CDK5RAP2: variants seen among roughly 807,000 people sequenced by gnomAD.
The protein encoded by CDK5RAP2 is CDK5 regulatory subunit associated protein 2, also known as CDK5 regulatory subunit-associated protein 2.
In CDK5RAP2, 147 loss-of-function variants were observed where a neutral mutation model predicts 232.9. The observed-to-expected ratio is 0.63, with a 90% confidence interval of 0.55 to 0.72. CDK5RAP2 has a LOEUF of 0.72. Among genes scored for constraint, CDK5RAP2 ranks in the 30% least tolerant of loss-of-function variants. The probability of loss-of-function intolerance (pLI) is 0.00; values close to 1 mark genes in which losing one functional copy is unlikely to be tolerated. For synonymous variants in CDK5RAP2, 833 were observed against 833.7 expected (o/e 1.00, Z 0.01); for missense variants, 2,195 against 2,231.5 (o/e 0.98, Z 0.33).
chr9:120,574,101 T>C (rs548582200), intron 1 of CDK5RAP2, among the ~76,000 whole-genome samples: 1 of 152,356 alleles, frequency 6.6e-6, no homozygotes, highest in African/African-American at 2.4e-5. Context: ...ATTCTGGTCT[T>C]AGACAAGCTT....
intron 10 of CDK5RAP2, among the ~76,000 whole-genome samples, chr9:120,527,410 G>A (rs755590276): frequency 3.3e-5 from 5 of 151,846 alleles, no homozygotes; most frequent in Non-Finnish European, 4.4e-5. Context: ...GAATTGAGGT[G>A]TGCTGTAAAC....
chr9:120,462,891 G>A (rs1231147580), intron 18 of CDK5RAP2, among the ~76,000 whole-genome samples: 1 of 152,196 alleles, frequency 6.6e-6, no homozygotes, highest in Non-Finnish European at 1.5e-5. Context: ...GCACATTGAA[G>A]TACTTGGGGG....
chr9:120,543,313 CT>C (rs1297412639), intron 5 of CDK5RAP2, among the ~76,000 whole-genome samples: 1 of 152,198 alleles, frequency 6.6e-6, no homozygotes, highest in Non-Finnish European at 1.5e-5. Flanking sequence ...CCAGAATGAC[CT>C]TTTCAAATAC....
At chr9:120,444,549 T>G (rs563344522) in intron 22 of CDK5RAP2, among the ~76,000 whole-genome samples, 2 of 152,178 alleles carry the variant, frequency 1.3e-5, no homozygotes, top group Non-Finnish European at 2.9e-5. Flanking sequence ...TGGATGATGG[T>G]TGAATGGATT....
At chr9:120,397,544 T>TAAAAAAAAAAAAAAAAAAAAAA (rs760469422) in intron 35 of CDK5RAP2, among the ~76,000 whole-genome samples, 8 of 49,074 alleles carry the variant, frequency 1.6e-4, no homozygotes, top group Non-Finnish European at 2.9e-4. Flanking sequence ...AAAACATTCT[T>TAAAAAAAAAAAAAAAAAAAAAA]AAAAAAAAAA....
intron 18 of CDK5RAP2, among the ~76,000 whole-genome samples, chr9:120,461,266 G>A (rs923678903): frequency 6.6e-6 from 1 of 152,220 alleles, no homozygotes; most frequent in Non-Finnish European, 1.5e-5. Flanking sequence ...CTTGCGTGAC[G>A]ATAACTTTAT....
At chr9:120,442,972 A>C (rs1345026505) in intron 23 of CDK5RAP2, among the ~76,000 whole-genome samples, 1 of 152,232 alleles carries the variant, frequency 6.6e-6, no homozygotes, top group Admixed American at 6.5e-5. Context: ...TGAAGGGGGA[A>C]AAATATCTAA....
intron 25 of CDK5RAP2, among the ~76,000 whole-genome samples, chr9:120,436,527 T>G (rs1178482398): frequency 1.3e-5 from 2 of 152,200 alleles, no homozygotes; most frequent in Non-Finnish European, 2.9e-5. Flanking sequence ...GACAACACCT[T>G]TTCTGATTGT....
intron 3 of CDK5RAP2, among the ~76,000 whole-genome samples, chr9:120,555,014 C>A (rs563269052): frequency 6.6e-6 from 1 of 151,780 alleles, no homozygotes; most frequent in Non-Finnish European, 1.5e-5. Context: ...AGACAACAAT[C>A]TTGAAATGAA....
chr9:120,409,383 T>C, intron 29 of CDK5RAP2, 67 bp from the exon 30 acceptor site: 3 of 1,100,072 alleles, frequency 2.7e-6, no homozygotes, highest in Non-Finnish European at 2.7e-6. Flanking sequence ...ATTATATAAA[T>C]ACAGCACTTC....
intron 4 of CDK5RAP2, among the ~76,000 whole-genome samples, chr9:120,546,984 T>C (rs538746920): frequency 2.7e-5 from 1 of 36,554 alleles, no homozygotes; most frequent in East Asian, 4.0e-4. Flanking sequence ...TTTTTGTTTT[T>C]TCGTTTTTTT....
chr9:120,561,425 T>C (rs915965263), intron 3 of CDK5RAP2, among the ~76,000 whole-genome samples: 1 of 152,122 alleles, frequency 6.6e-6, no homozygotes, highest in Admixed American at 6.6e-5. Flanking sequence ...GCCTCCCAAG[T>C]AGCTGGGACC....
chr9:120,414,554 GAGA>G (rs1488810022), intron 28 of CDK5RAP2, among the ~76,000 whole-genome samples: 2 of 152,190 alleles, frequency 1.3e-5, no homozygotes, highest in Admixed American at 6.5e-5. Flanking sequence ...GAAAAAAGTG[GAGA>G]AGAAGGAAGG....
chr9:120,449,870 G>T (rs111637957), intron 21 of CDK5RAP2, among the ~76,000 whole-genome samples: 1 of 152,166 alleles, frequency 6.6e-6, no homozygotes, highest in African/African-American at 2.4e-5. Context: ...ACAACAACAA[G>T]TGTTGATGAA....
chr9:120,531,537 AG>A (rs2041153224), intron 7 of CDK5RAP2, among the ~76,000 whole-genome samples: 1 of 152,192 alleles, frequency 6.6e-6, no homozygotes, highest in Admixed American at 6.5e-5. Context: ...TGTGGACCAG[AG>A]ACAAGCTATT....
intron 22 of CDK5RAP2, among the ~76,000 whole-genome samples, chr9:120,447,496 A>G (rs2131371887): frequency 6.6e-6 from 1 of 152,320 alleles, no homozygotes; most frequent in Middle Eastern, 3.4e-3. Context: ...TAAGGTTTGG[A>G]ATTAGCCCCA....
chr9:120,532,592 G>C (rs183478992), intron 7 of CDK5RAP2: 5 of 152,612 alleles, frequency 3.3e-5, no homozygotes, highest in Admixed American at 2.6e-4. Context: ...TCCTAGGCAG[G>C]CCTGCCTTCA....
intron 25 of CDK5RAP2, among the ~76,000 whole-genome samples, chr9:120,427,847 T>G (rs547649702): frequency 6.6e-6 from 1 of 152,128 alleles, no homozygotes; most frequent in African/African-American, 2.4e-5. Flanking sequence ...ATTGACCACA[T>G]AGTTGGAAGT....
intron 23 of CDK5RAP2, among the ~76,000 whole-genome samples, chr9:120,441,924 C>T (rs1386338498): frequency 6.6e-6 from 1 of 152,144 alleles, no homozygotes; most frequent in East Asian, 1.9e-4. Flanking sequence ...CCAAGTATTT[C>T]TGGCTGAACA....
Sources: gnomAD v4.1 joint callset for allele counts (sites outside exome capture counted in the v4.1 genomes callset) on GRCh38, gnomAD v4.1.1 for gene constraint, MANE v1.5 for transcripts, NCBI Gene and HGNC (gene_info 2026-07-23, HGNC 2026-07-21) for gene names.